The following ASAP1 variants were observed in gnomAD, a reference collection of about 807,000 sequenced individuals.
ASAP1 encodes ArfGAP with SH3 domain, ankyrin repeat and PH domain 1.
ASAP1 carries 43 observed loss-of-function variants against 145.2 expected under a neutral mutation model. The ratio of observed to expected loss-of-function variants is 0.30; its 90% CI spans 0.23 to 0.38. The LOEUF (loss-of-function observed/expected upper bound fraction) is 0.38. Ranked by LOEUF, ASAP1 falls within the 10% of genes least tolerant of loss-of-function variation. The pLI is 1.00. For synonymous variants in ASAP1, 546 were observed against 515.5 expected (o/e 1.06, Z -0.80); for missense variants, 1,018 against 1,355.3 (o/e 0.75, Z 3.91).
At chr8:130,120,068 G>A (rs2097563215) in intron 18 of ASAP1, among the ~76,000 whole-genome samples, 1 of 152,168 alleles carries the variant, frequency 6.6e-6, no homozygotes, top group African/African-American at 2.4e-5. Context: ...GGTTGATGAT[G>A]GCACACAGCC....
chr8:130,159,222 A>G (rs1460130503), intron 12 of ASAP1, among the ~76,000 whole-genome samples: 1 of 152,168 alleles, frequency 6.6e-6, no homozygotes, highest in Non-Finnish European at 1.5e-5. Context: ...GAAATGGAAG[A>G]GCTTTTGCCA....
intron 3 of ASAP1, among the ~76,000 whole-genome samples, chr8:130,336,595 C>T (rs1825050559): frequency 6.6e-6 from 1 of 152,136 alleles, no homozygotes; most frequent in Non-Finnish European, 1.5e-5. Context: ...AAGACTAAGG[C>T]AGGATGAATG....
At chr8:130,382,285 C>CAA (rs35060121) in intron 2 of ASAP1, among the ~76,000 whole-genome samples, 38 of 73,450 alleles carry the variant, frequency 5.2e-4, no homozygotes, top group East Asian at 1.8e-3. Context: ...GATTCTGTCT[C>CAA]AAAAAAAAAA....
At chr8:130,313,965 G>A (rs181401775) in intron 3 of ASAP1, among the ~76,000 whole-genome samples, 2 of 152,274 alleles carry the variant, frequency 1.3e-5, no homozygotes, top group East Asian at 1.9e-4. Flanking sequence ...CACACAATTT[G>A]CTGCAGTCCA....
chr8:130,400,342 T>C (rs1828729654), intron 2 of ASAP1, among the ~76,000 whole-genome samples: 1 of 152,212 alleles, frequency 6.6e-6, no homozygotes, highest in Non-Finnish European at 1.5e-5. Context: ...CCAGTCTAAT[T>C]TTTATCATCC....
intron 14 of ASAP1, 152 bp from the exon 15 acceptor site, chr8:130,134,496 T>C: frequency 2.1e-6 from 1 of 470,304 alleles, no homozygotes; most frequent in Non-Finnish European, 3.7e-6. Flanking sequence ...GTGCCTTGTG[T>C]ATATTATTGC....
intron 3 of ASAP1, among the ~76,000 whole-genome samples, chr8:130,251,747 A>T (rs1205043666): frequency 6.6e-6 from 1 of 152,178 alleles, no homozygotes; most frequent in Admixed American, 6.6e-5. Context: ...AAACATTAAC[A>T]CAAGAAACCG....
At chr8:130,244,965 T>C (rs533973897) in intron 3 of ASAP1, among the ~76,000 whole-genome samples, 3 of 152,058 alleles carry the variant, frequency 2.0e-5, no homozygotes, top group Middle Eastern at 6.8e-3. Context: ...TTACAGCAGT[T>C]TGAGGAGTTG....
At chr8:130,347,633 GC>G (rs1229805115) in intron 3 of ASAP1, among the ~76,000 whole-genome samples, 1 of 152,110 alleles carries the variant, frequency 6.6e-6, no homozygotes, top group Non-Finnish European at 1.5e-5. Context: ...CGAAGACTTA[GC>G]CCCACCCATC....
chr8:130,330,049 C>A (rs1209007125), intron 3 of ASAP1, among the ~76,000 whole-genome samples: 1 of 152,200 alleles, frequency 6.6e-6, no homozygotes, highest in African/African-American at 2.4e-5. Flanking sequence ...ATTTGTCAAA[C>A]AGGACATTTT....
At chr8:130,349,511 C>CTTA (rs1396636118) in intron 3 of ASAP1, among the ~76,000 whole-genome samples, 2 of 152,190 alleles carry the variant, frequency 1.3e-5, no homozygotes, top group African/African-American at 2.4e-5. Context: ...GAGGTAGGTA[C>CTTA]TTATCCCCAT....
intron 11 of ASAP1, among the ~76,000 whole-genome samples, chr8:130,165,755 T>C (rs1159421035): frequency 6.6e-6 from 1 of 152,170 alleles, no homozygotes; most frequent in Non-Finnish European, 1.5e-5. Flanking sequence ...CCCCAGTGCA[T>C]ATACCTGGAT....
intron 2 of ASAP1, among the ~76,000 whole-genome samples, chr8:130,377,131 C>T (rs1160476229): frequency 6.6e-6 from 1 of 151,882 alleles, no homozygotes; most frequent in African/African-American, 2.4e-5. Context: ...AATGGAAAAC[C>T]AAATATCATA....
At chr8:130,169,759 A>C (rs2136092464) in intron 9 of ASAP1, among the ~76,000 whole-genome samples, 1 of 152,342 alleles carries the variant, frequency 6.6e-6, no homozygotes, top group Non-Finnish European at 1.5e-5. Flanking sequence ...GAATTAAAGC[A>C]CTTCAATCTC....
intron 3 of ASAP1, among the ~76,000 whole-genome samples, chr8:130,349,468 G>A (rs1825874702): frequency 6.6e-6 from 1 of 152,224 alleles, no homozygotes; most frequent in Admixed American, 6.5e-5. Flanking sequence ...ACCAGGCACT[G>A]TTGTAAGCAC....
chr8:130,342,759 G>A (rs866782233), intron 3 of ASAP1, among the ~76,000 whole-genome samples: 25 of 137,242 alleles, frequency 1.8e-4, no homozygotes, highest in African/African-American at 5.9e-4. Flanking sequence ...TCAGAAACAA[G>A]TTAAAGTTGC....
chr8:130,221,777 A>T (rs1265198687), intron 4 of ASAP1, among the ~76,000 whole-genome samples: 1 of 152,184 alleles, frequency 6.6e-6, no homozygotes, highest in African/African-American at 2.4e-5. Context: ...CTAAAGTAGG[A>T]CAGGCCTAGG....
In ASAP1 at chr8:130,060,484, T is replaced by G. The variant is rs544108120; in HGVS notation, c.3192+95A>C. ...ACATAAGGGTCAGGTGAGCAAGCTC[T>G]CACTTTTTCTTGTGTAAGTTGGAGC... On this transcript the variant is annotated intron_variant, in intron 28 of 29. Coordinates refer to ENST00000518721, the MANE Select transcript of ASAP1 (RefSeq NM_018482.4). The G allele has an allele frequency of 6.1e-4, 899 of 1,472,326 alleles. 1 individual carries two copies. Among genetic ancestry groups the G allele is most frequent in the Non-Finnish European group, 7.9e-4 (863 of 1,095,438 alleles). The allele number at this position is 1,472,326 out of a possible 1,614,324, so 91.2% of individuals were successfully genotyped here.
At chr8:130,079,088 G>A (rs559330753) in intron 26 of ASAP1, among the ~76,000 whole-genome samples, 2 of 152,140 alleles carry the variant, frequency 1.3e-5, no homozygotes, top group Non-Finnish European at 2.9e-5. Flanking sequence ...CCAGCTACTC[G>A]GGAGGCTGAG....
Sources: allele counts gnomAD v4.1 joint callset (sites outside exome capture counted in the v4.1 genomes callset), GRCh38; gene constraint gnomAD v4.1.1; transcripts MANE v1.5; gene names NCBI Gene and HGNC (gene_info 2026-07-23, HGNC 2026-07-21).